Variants in SVEP1 observed in about 807,000 individuals in gnomAD.
SVEP1 encodes the protein sushi, von Willebrand factor type A, EGF and pentraxin domain-containing protein 1.
In SVEP1, 164 loss-of-function variants were observed where a neutral mutation model predicts 367.3. That is an observed-to-expected ratio of 0.45 (90% CI 0.39 to 0.51). SVEP1 has a LOEUF of 0.51. SVEP1 is among the 20% of genes least tolerant of loss of function. The pLI, the probability that SVEP1 is intolerant of heterozygous loss-of-function variation, is 0.00. For missense variants in SVEP1, 4,117 were observed against 4,425.3 expected (o/e 0.93, Z 1.98); for synonymous variants, 1,666 against 1,611.6 (o/e 1.03, Z -0.81).
intron 36 of SVEP1, among the ~76,000 whole-genome samples, chr9:110,423,009 T>C (rs1828186663): frequency 7.6e-6 from 1 of 131,314 alleles, no homozygotes; most frequent in South Asian, 2.6e-4. Flanking sequence ...TTGGGAGATA[T>C]ACCTAATGCT....
At position 110,375,456 on chromosome 9, in the gene SVEP1, G is replaced by A. The variant is rs369603532; in HGVS notation, c.10512C>T (p.Cys3504=). The change falls in exon 46 of 48, where the codon TGC becomes TGT. Residue 3504 remains cysteine (C), a synonymous_variant. Transcript: ENST00000374469. ...WMGRLCEEPI[C]ILPCLNGGRC... is the part of the protein sequence containing the mutation. ...GACCTCCGTTCAGACAGGGAAGAAT[G>A]CAGATTGCTAAAAAAAAAAAAAAAA... 1.8e-6 allele frequency: 1 copy of A among 565,352 alleles called. No individual in the cohort carries two copies. The highest frequency in any genetic ancestry group is 2.7e-5 in the African/African-American group (1 of 37,004). The allele number at this position is 565,352 out of a possible 1,614,324, so 35.0% of individuals were successfully genotyped here. A position where few individuals can be genotyped will look rare whatever the true frequency, so the allele number is the denominator to read the frequency against.
In SVEP1 at chr9:110,468,963, G is replaced by A. The variant is rs745614740; in HGVS notation, c.3137C>T (p.Ser1046Leu). 1.9e-6 allele frequency: 3 copies of A among 1,601,988 alleles called. No individual in the cohort carries two copies. The highest frequency in any genetic ancestry group is 2.6e-6 in the Non-Finnish European group (3 of 1,173,170). ...PSGMYTEYIH[S>L]RNISDCKAQC... ...ACCTTTACAATCAGAGATGTTTCTT[G>A]AATGGATATATTCCGTGTACATCCC... Residue 1046 changes from serine (S) to leucine (L), a missense_variant, in exon 17 of 48, where the codon TCA (serine) becomes TTA (leucine). Coordinates refer to ENST00000374469, the MANE Select transcript of SVEP1 (RefSeq NM_153366.4).
intron 3 of SVEP1, among the ~76,000 whole-genome samples, chr9:110,531,046 TTAA>T (rs1252744019): frequency 6.6e-6 from 1 of 152,192 alleles, no homozygotes; most frequent in African/African-American, 2.4e-5. Flanking sequence ...ATCTATTCTA[TTAA>T]TATTAGCATT....
intron 46 of SVEP1, among the ~76,000 whole-genome samples, chr9:110,373,404 A>G (rs936090026): frequency 6.6e-6 from 1 of 152,046 alleles, no homozygotes; most frequent in Non-Finnish European, 1.5e-5. Context: ...TGGTTTACTT[A>G]TTAATAGTGC....
intron 44 of SVEP1, 74 bp from the exon 45 acceptor site, chr9:110,377,440 T>A: frequency 7.4e-7 from 1 of 1,348,972 alleles, no homozygotes; most frequent in Non-Finnish European, 1.1e-6. Flanking sequence ...GAATTGCCCC[T>A]TTATATCTCA....
chr9:110,488,138 G>A (rs1829312408), intron 9 of SVEP1, among the ~76,000 whole-genome samples: 1 of 152,184 alleles, frequency 6.6e-6, no homozygotes, highest in Non-Finnish European at 1.5e-5. Flanking sequence ...ATTGGTGAGA[G>A]GGCAGGGAGT....
chr9:110,417,139 C>T lies in SVEP1; in HGVS notation c.5976-5404G>A, dbSNP rs570412263. Among the ~76,000 whole-genome samples the T allele has an allele frequency of 1.6e-4, 24 of 151,852 alleles. 1 individual carries two copies. The highest frequency in any genetic ancestry group is 4.8e-4 in the African/African-American group (20 of 41,258). On this transcript the variant is annotated intron_variant, in intron 36 of 47. Transcript: ENST00000374469. ...CAAGATGGCCGAATAGGAACAGCTCCGGTCTACAGCTCCCAGCGTGAGCGA... is the reference window on the plus strand; with the variant it reads ...CAAGATGGCCGAATAGGAACAGCTCTGGTCTACAGCTCCCAGCGTGAGCGA...
intron 3 of SVEP1, among the ~76,000 whole-genome samples, chr9:110,518,240 T>C (rs1001572787): frequency 5.9e-5 from 9 of 151,998 alleles, no homozygotes; most frequent in African/African-American, 2.2e-4. Flanking sequence ...CTGGCCAACA[T>C]GGTGAAACCC....
chr9:110,447,784 A>AT (rs1454671754), intron 24 of SVEP1, among the ~76,000 whole-genome samples: 2 of 152,216 alleles, frequency 1.3e-5, no homozygotes, highest in African/African-American at 4.8e-5. Flanking sequence ...ACAGGGACCC[A>AT]TATAACAAAT....
intron 1 of SVEP1, among the ~76,000 whole-genome samples, chr9:110,575,797 AC>A (rs1415666080): frequency 6.6e-6 from 1 of 152,164 alleles, no homozygotes; most frequent in Non-Finnish European, 1.5e-5. Flanking sequence ...TAAGAGAGCC[AC>A]CCCCAGTTAA....
chr9:110,375,399 C>A lies in SVEP1; in HGVS notation c.10569G>T (p.Pro3523=). Residue 3523 remains proline, a synonymous_variant, in exon 46 of 48, where the codon CCG becomes CCT. Transcript: ENST00000374469. ...RCVAPYQCDC[P]PGWTGSRCHT... ...GACAGCGAGACCCCGTCCAGCCAGG[C>A]GGGCAGTCACACTGGTAAGGGGCCA... The A allele has an allele frequency of 2.7e-6, 4 of 1,488,126 alleles. No individual in the cohort carries two copies. The highest frequency in any genetic ancestry group is 1.2e-5 in the South Asian group (1 of 82,802). The allele number at this position is 1,488,126 out of a possible 1,614,324, so 92.2% of individuals were successfully genotyped here.
intron 39 of SVEP1, among the ~76,000 whole-genome samples, chr9:110,401,417 A>G (rs1827858966): frequency 6.6e-6 from 1 of 151,886 alleles, no homozygotes; most frequent in Non-Finnish European, 1.5e-5. Flanking sequence ...GAAACAGTAA[A>G]TTTTAGGCAT....
chr9:110,575,988 C>T (rs1010704312), intron 1 of SVEP1, among the ~76,000 whole-genome samples: 2 of 152,112 alleles, frequency 1.3e-5, no homozygotes, highest in African/African-American at 4.8e-5. Flanking sequence ...ATGATATTAG[C>T]CAGCACTGGC....
At chr9:110,452,933 T>G (rs1206883384) in intron 22 of SVEP1, among the ~76,000 whole-genome samples, 1 of 152,218 alleles carries the variant, frequency 6.6e-6, no homozygotes, top group Admixed American at 6.5e-5. Flanking sequence ...TGAAATGCAA[T>G]TTTACTGTAT....
At chr9:110,578,964 C>A in intron 1 of SVEP1, 49 bp downstream of exon 1, 7 of 1,532,826 alleles carry the variant, frequency 4.6e-6, no homozygotes, top group South Asian at 3.6e-5. Flanking sequence ...AGCGGTGGGT[C>A]GAAGGGCCCG....
At chr9:110,430,875 C>T (rs1244165276) in intron 32 of SVEP1, among the ~76,000 whole-genome samples, 1 of 152,116 alleles carries the variant, frequency 6.6e-6, no homozygotes, top group African/African-American at 2.4e-5. Flanking sequence ...CCTCCCTTCC[C>T]AAATAGAGTA....
chr9:110,413,442 G>A (rs1414620063), intron 36 of SVEP1, among the ~76,000 whole-genome samples: 1 of 149,890 alleles, frequency 6.7e-6, no homozygotes, highest in African/African-American at 2.5e-5. Context: ...CCTAATGCTA[G>A]ATGACGAGTT....
rs1376020385 is a variant in SVEP1 at position 110,472,201 on chromosome 9, G to A, written c.2722C>T (p.Pro908Ser). The change falls in exon 15 of 48, where the codon CCA becomes TCA. Residue 908 changes from proline to serine, a missense_variant. Physicochemically the swap from Pro to Ser is moderately conservative, Grantham distance 74. Coordinates refer to ENST00000374469, the MANE Select transcript of SVEP1 (RefSeq NM_153366.4). ...AACTTAATTTTATAGTCAGATAATG[G>A]GGCACTTCTTTTAATCCGTGAGGAC... ...AKSSRIKRSA[P>S]LSDYKIKLIF... is the part of the protein sequence containing the mutation. The A allele has an allele frequency of 3.7e-6, 6 of 1,613,334 alleles. No homozygotes were observed. The highest frequency in any genetic ancestry group is 5.1e-6 in the Non-Finnish European group (6 of 1,179,698).
chr9:110,442,037 C>A (rs866229593), intron 27 of SVEP1, among the ~76,000 whole-genome samples: 1 of 152,194 alleles, frequency 6.6e-6, no homozygotes, highest in Admixed American at 6.5e-5. Context: ...CTTTTTCTAG[C>A]GCTTTCAACA....
Sources: allele counts gnomAD v4.1 joint callset (sites outside exome capture counted in the v4.1 genomes callset), GRCh38; gene constraint gnomAD v4.1.1; transcripts MANE v1.5; gene names NCBI Gene and HGNC (gene_info 2026-07-23, HGNC 2026-07-21).